The following CCNG2 variants were observed in gnomAD, a reference collection of about 807,000 sequenced individuals.
The protein encoded by CCNG2 is cyclin G2, also known as cyclin-G2.
In CCNG2, 20 loss-of-function variants were observed where a neutral mutation model predicts 36.5. That is an observed-to-expected ratio of 0.55 (90% confidence interval 0.39 to 0.80). The LOEUF is 0.80. CCNG2 is among the 30% of genes least tolerant of loss of function. The pLI is 0.00. For synonymous variants in CCNG2, 155 were observed against 140.1 expected, an observed-to-expected ratio of 1.11 and a Z score of -0.75; for missense variants, 358 against 390.8, an observed-to-expected ratio of 0.92 and a Z score of 0.71.
chr4:77,165,717 T>G (rs1476969588), intron 7 of CCNG2, 84 bp from the exon 8 acceptor site: 1 of 1,184,698 alleles, frequency 8.4e-7, no homozygotes, highest in Non-Finnish European at 1.1e-6. Flanking sequence ...TCACTAGAGA[T>G]ATAGCAGCTT....
chr4:77,163,091 G>A (rs886489963), intron 6 of CCNG2, among the ~76,000 whole-genome samples: 1 of 152,050 alleles, frequency 6.6e-6, no homozygotes, highest in Non-Finnish European at 1.5e-5. Flanking sequence ...GGTGTTTGGC[G>A]TTTTGGAATA....
In CCNG2 at chr4:77,165,955, T is replaced by A. The variant is rs1473336418; in HGVS notation, c.*31T>A. The A allele has an allele frequency of 2.5e-6, 4 of 1,577,492 alleles. No individual in the cohort carries two copies. In the African/African-American group the frequency reaches 5.5e-5, roughly 22 times the overall value. ...TGATTGTTCTGTCAGAATTTATATTTACAGGTTTCAAAGCAATAAATGGGG... is the reference window on the plus strand; with the variant it reads ...TGATTGTTCTGTCAGAATTTATATTAACAGGTTTCAAAGCAATAAATGGGG... On this transcript the variant is annotated 3_prime_UTR_variant, in exon 8 of 8. Coordinates refer to ENST00000316355, the MANE Select transcript of CCNG2 (RefSeq NM_004354.3).
Position 77,167,157 on chromosome 4 carries a change from C to T in CCNG2, c.*1233C>T, listed in dbSNP as rs1560425376. The T allele has an allele frequency of 6.6e-6, 1 of 152,126 alleles. No homozygotes were observed. Among genetic ancestry groups the T allele is most frequent in the African/African-American group, 2.4e-5 (1 of 41,438 alleles). 9.4% of individuals were successfully genotyped at this position (152,126 alleles called of 1,614,324 possible). On this transcript the variant is annotated 3_prime_UTR_variant, in exon 8 of 8. Coordinates refer to ENST00000316355, the MANE Select transcript of CCNG2 (RefSeq NM_004354.3). ...CCGTTGGATGTTTTCTGAAGTGGCT[C>T]TTTTTGAAGTGATAATAGATTGTAA...
rs1157697426 is a variant in CCNG2 at position 77,167,723 on chromosome 4, C to T, written c.*1799C>T. 1 of 152,106 alleles carries T rather than the reference C, an allele frequency of 6.6e-6. No homozygotes were observed. Among genetic ancestry groups the T allele is most frequent in the African/African-American group, 2.4e-5 (1 of 41,408 alleles). The allele number at this position is 152,106 out of a possible 1,614,324, so 9.4% of individuals were successfully genotyped here. A position where few individuals can be genotyped will look rare whatever the true frequency, so the allele number is the denominator to read the frequency against. On this transcript the variant is annotated 3_prime_UTR_variant, in exon 8 of 8. Transcript: ENST00000316355. ...TTTGATTTTTGTAGACCTTTGTTTT[C>T]TCTAGTTAGAAAATCAGGTACACTG... is the stretch of plus-strand genomic sequence containing the variant.
chr4:77,169,482 C>A lies in CCNG2; in HGVS notation c.*3558C>A, dbSNP rs978539581. On this transcript the variant is annotated 3_prime_UTR_variant, in exon 8 of 8. Coordinates refer to ENST00000316355, the MANE Select transcript of CCNG2 (RefSeq NM_004354.3). The stretch of plus-strand genomic sequence containing the variant: ...TTTCCATCCCTGTGCCTACATGCTG[C>A]TCTTCCCGTCCACAAGTGGAGTCTG... 6.6e-6 allele frequency: 1 copy of A among 152,246 alleles called. No homozygotes were observed. The highest frequency in any genetic ancestry group is 2.4e-5 in the African/African-American group (1 of 41,460). The allele number at this position is 152,246 out of a possible 1,614,324, so 9.4% of individuals were successfully genotyped here.
chr4:77,164,760 A>G (rs1231670217), intron 7 of CCNG2: 2 of 235,392 alleles, frequency 8.5e-6, no homozygotes, highest in Non-Finnish European at 1.7e-5. Flanking sequence ...GGTCTTACAT[A>G]CTCCCAGGCT....
At position 77,158,629 on chromosome 4, in the gene CCNG2, C is replaced by T; in HGVS notation, c.97C>T (p.Pro33Ser). 1 of 1,614,124 alleles carries T rather than the reference C, an allele frequency of 6.2e-7. No homozygotes were observed. Among genetic ancestry groups the T allele is most frequent in the Non-Finnish European group, 8.5e-7 (1 of 1,180,012 alleles). ...CCTGGAACAAGAAGAGAGATTCCAA[C>T]CTCGAGAAAAAGGGCTGAGTTTGAT... The part of the protein sequence containing the change: ...VYLEQEERFQ[P>S]REKGLSLIEA... The change falls in exon 2 of 8, where the codon CCT (proline) becomes TCT (serine). Residue 33 changes from proline to serine, a missense_variant. Pro to Ser is a moderately conservative substitution (Grantham distance 74, BLOSUM62 -1). Coordinates refer to ENST00000316355, the MANE Select transcript of CCNG2 (RefSeq NM_004354.3).
At chr4:77,159,588 G>A in intron 3 of CCNG2, 84 bp downstream of exon 3, 1 of 1,354,402 alleles carries the variant, frequency 7.4e-7, no homozygotes, top group South Asian at 1.3e-5. Flanking sequence ...TTTATCGAAT[G>A]GGTATAATAA....
In CCNG2 at chr4:77,166,110, G is replaced by A. The variant is rs540748582; in HGVS notation, c.*186G>A. ...TTATCCTAAGCCATCAAATGGGGTA[G>A]TGCCTCTTAAACCATTAACAGTACT... On this transcript the variant is annotated 3_prime_UTR_variant, in exon 8 of 8. Transcript: ENST00000316355. 164 of 466,598 alleles carry A rather than the reference G, an allele frequency of 3.5e-4. 4 individuals carry two copies. The South Asian group carries it at 6.4e-3, about 18-fold the overall frequency. 28.9% of individuals were successfully genotyped at this position (466,598 alleles called of 1,614,324 possible). A position where few individuals can be genotyped will look rare whatever the true frequency, so the allele number is the denominator to read the frequency against.
intron 7 of CCNG2, 30 bp from the exon 8 acceptor site, chr4:77,165,771 T>C: frequency 6.5e-7 from 1 of 1,527,094 alleles, no homozygotes; most frequent in Admixed American, 2.3e-5. Context: ...AGTAATGGTA[T>C]CCTCTTTTTT....
chr4:77,169,777 C>G lies in CCNG2; in HGVS notation c.*3853C>G, dbSNP rs529813462. 94 of 152,264 alleles carry G rather than the reference C, an allele frequency of 6.2e-4. 1 individual carries two copies. The highest frequency in any genetic ancestry group is 2.1e-3 in the African/African-American group (88 of 41,548). 9.4% of individuals were successfully genotyped at this position (152,264 alleles called of 1,614,324 possible). On this transcript the variant is annotated 3_prime_UTR_variant, in exon 8 of 8. Transcript: ENST00000316355. ...AATGTGGGTGTATCCTCAGCTACACCACAGAAAACAGAGGAACTACTCAGT... is the reference window on the plus strand; with the variant it reads ...AATGTGGGTGTATCCTCAGCTACACGACAGAAAACAGAGGAACTACTCAGT...
intron 2 of CCNG2, 113 bp from the exon 3 acceptor site, chr4:77,159,254 A>G: frequency 2.1e-6 from 2 of 930,612 alleles, no homozygotes; most frequent in Non-Finnish European, 3.2e-6. Flanking sequence ...AGATTGAGGG[A>G]AAAAAATTAA....
rs747979305 is a variant in CCNG2, at chr4:77,164,391, C to A, written c.823C>A (p.Arg275Ser). 4.3e-6 allele frequency: 7 copies of A among 1,613,970 alleles called. No homozygotes were observed. The highest frequency in any genetic ancestry group is 5.1e-6 in the Non-Finnish European group (6 of 1,179,932). Reference protein sequence around the residue: ...LKKLVWIVSRRTAQNLHNSYY... With the variant: ...LKKLVWIVSRSTAQNLHNSYY... ...GAAGTTGGTTTGGATCGTTTCAAGG[C>A]GCACAGCCCAGAACCTCCACAACAG... The change falls in exon 7 of 8, where the codon CGC (arginine) becomes AGC (serine). Residue 275 changes from arginine (R) to serine (S), a missense_variant. Coordinates refer to ENST00000316355, the MANE Select transcript of CCNG2 (RefSeq NM_004354.3).
intron 3 of CCNG2, 147 bp from the exon 4 acceptor site, chr4:77,160,574 G>A (rs1218455442): frequency 1.3e-5 from 8 of 632,370 alleles, no homozygotes; most frequent in African/African-American, 7.7e-5. Context: ...GTGAAAATGT[G>A]TATAATTGTG....
intron 3 of CCNG2, among the ~76,000 whole-genome samples, 191 bp from the exon 4 acceptor site, chr4:77,160,530 T>TG (rs1245749035): frequency 9.1e-6 from 1 of 109,994 alleles, no homozygotes; most frequent in Admixed American, 8.3e-5. Flanking sequence ...GCCTTTTTTT[T>TG]TGGGGGGGGG....
intron 3 of CCNG2, 139 bp from the exon 4 acceptor site, chr4:77,160,582 G>T: frequency 1.4e-5 from 9 of 648,378 alleles, no homozygotes; most frequent in South Asian, 2.1e-5. Context: ...GTGTATAATT[G>T]TGGGTAAAGA....
At chr4:77,158,342 C>G (rs935285116) in intron 1 of CCNG2, 191 bp from the exon 2 acceptor site, 3 of 580,964 alleles carry the variant, frequency 5.2e-6, no homozygotes, top group African/African-American at 1.9e-5. Flanking sequence ...GGCTCCTCCC[C>G]CTGCCACACC....
chr4:77,160,164 G>A (rs1342747441), intron 3 of CCNG2, among the ~76,000 whole-genome samples: 2 of 149,536 alleles, frequency 1.3e-5, no homozygotes, highest in Non-Finnish European at 2.9e-5. Context: ...AAAAAGATAA[G>A]TATAAAATAT....
chr4:77,159,092 ACT>A (rs1004135856), intron 2 of CCNG2, among the ~76,000 whole-genome samples: 7 of 152,290 alleles, frequency 4.6e-5, no homozygotes, highest in East Asian at 3.9e-4. Flanking sequence ...ATTTGCTATA[ACT>A]CTCTGAAATC....
Sources: gnomAD v4.1 joint callset for allele counts (sites outside exome capture counted in the v4.1 genomes callset) on GRCh38, gnomAD v4.1.1 for gene constraint, MANE v1.5 for transcripts, NCBI Gene and HGNC (gene_info 2026-07-23, HGNC 2026-07-21) for gene names.